CLIC4: variants seen among roughly 807,000 people sequenced by gnomAD.
CLIC4 encodes the protein CLIC family member 4, also known as chloride intracellular channel protein 4.
A neutral mutation model predicts 24.6 loss-of-function variants in CLIC4; 13 were observed. That is an observed-to-expected ratio of 0.53 (90% CI 0.34 to 0.84). The LOEUF is 0.84. CLIC4 is among the 40% of genes least tolerant of loss of function. CLIC4 has a pLI of 0.01. For missense variants in CLIC4, 227 were observed against 301.7 expected, an observed-to-expected ratio of 0.75 and a Z score of 1.83; for synonymous variants, 104 against 111.3, an observed-to-expected ratio of 0.93 and a Z score of 0.41.
intron 1 of CLIC4, among the ~76,000 whole-genome samples, chr1:24,782,830 T>G (rs573971635): frequency 1.3e-5 from 2 of 151,898 alleles, no homozygotes; most frequent in Non-Finnish European, 2.9e-5. Flanking sequence ...AGTAAAAAAA[T>G]TAGCCAGGCA....
At chr1:24,772,932 T>C (rs1240788658) in intron 1 of CLIC4, among the ~76,000 whole-genome samples, 1 of 152,216 alleles carries the variant, frequency 6.6e-6, no homozygotes, top group African/African-American at 2.4e-5. Context: ...ATGATTGCAG[T>C]TTTTCATTGT....
intron 2 of CLIC4, among the ~76,000 whole-genome samples, chr1:24,812,532 CT>C (rs1011240868): frequency 2.4e-4 from 36 of 152,178 alleles, no homozygotes; most frequent in African/African-American, 7.5e-4. Flanking sequence ...TCTCCAAAAT[CT>C]TTTTTCCCTC....
At chr1:24,811,559 A>T (rs1417160767) in intron 2 of CLIC4, among the ~76,000 whole-genome samples, 2 of 151,948 alleles carry the variant, frequency 1.3e-5, no homozygotes, top group Non-Finnish European at 2.9e-5. Context: ...TGCAGCCTCG[A>T]CCGCCTGGGC....
intron 1 of CLIC4, among the ~76,000 whole-genome samples, chr1:24,747,234 G>A (rs1342565486): frequency 1.3e-5 from 2 of 151,270 alleles, no homozygotes; most frequent in African/African-American, 4.9e-5. Context: ...GAAGGAACCT[G>A]AAATACAAGA....
At chr1:24,835,630 A>T (rs964799498) in intron 4 of CLIC4, among the ~76,000 whole-genome samples, 3 of 152,188 alleles carry the variant, frequency 2.0e-5, no homozygotes, top group African/African-American at 7.2e-5. Flanking sequence ...AGCATATAGG[A>T]CAGAAAGGAG....
chr1:24,776,341 T>C (rs146803610), intron 1 of CLIC4, among the ~76,000 whole-genome samples: 113 of 152,292 alleles, frequency 7.4e-4, no homozygotes, highest in Non-Finnish European at 1.5e-3. Flanking sequence ...GGGAAACTTG[T>C]CCAGTGCAGT....
At position 24,801,075 on chromosome 1, in the gene CLIC4, A is replaced by T. The variant is rs1442180676; in HGVS notation, c.182+3224A>T. ...GAATTATCAATAAAAAAATAAATTAAAAAAAAAAAAAAGAATAGTTGTATT... is the reference window on the plus strand; with the variant it reads ...GAATTATCAATAAAAAAATAAATTATAAAAAAAAAAAAGAATAGTTGTATT... On this transcript the variant is annotated intron_variant, in intron 2 of 5. Coordinates refer to ENST00000374379, the MANE Select transcript of CLIC4 (RefSeq NM_013943.3). 0.011 allele frequency among the ~76,000 whole-genome samples: 9 copies of T among 796 alleles called. No individual in the cohort carries two copies. The South Asian group carries it at 0.5, about 44-fold the overall frequency. 0.5% of individuals were successfully genotyped at this position (796 alleles called of 152,430 possible).
rs1639955773 is a variant in CLIC4, at chr1:24,842,705, T to C, written c.*1768T>C. The C allele has an allele frequency of 1.3e-5, 2 of 152,190 alleles. No homozygotes were observed. The highest frequency in any genetic ancestry group is 2.4e-5 in the African/African-American group (1 of 41,434). The allele number at this position is 152,190 out of a possible 1,614,324, so 9.4% of individuals were successfully genotyped here. On this transcript the variant is annotated 3_prime_UTR_variant, in exon 6 of 6. Coordinates refer to ENST00000374379, the MANE Select transcript of CLIC4 (RefSeq NM_013943.3). ...AAGTTTGAGTACCCGCTTGGTTTTTTTTTGGTAATTAAATATTGTATGATT... is the reference window on the plus strand; with the variant it reads ...AAGTTTGAGTACCCGCTTGGTTTTTCTTTGGTAATTAAATATTGTATGATT...
At chr1:24,779,804 A>G (rs1421112553) in intron 1 of CLIC4, among the ~76,000 whole-genome samples, 2 of 152,180 alleles carry the variant, frequency 1.3e-5, no homozygotes, top group African/African-American at 4.8e-5. Context: ...AATTTAATCT[A>G]CACTTTTCTT....
At chr1:24,782,767 G>C (rs1001268410) in intron 1 of CLIC4, among the ~76,000 whole-genome samples, 1 of 152,046 alleles carries the variant, frequency 6.6e-6, no homozygotes, top group Non-Finnish European at 1.5e-5. Flanking sequence ...ATTGCTTGAG[G>C]CCAGGAGTTC....
intron 1 of CLIC4, among the ~76,000 whole-genome samples, chr1:24,797,540 A>AGGAG (rs937132993): frequency 4.2e-5 from 6 of 143,426 alleles, no homozygotes; most frequent in African/African-American, 1.3e-4. Context: ...GGGTGACAGA[A>AGGAG]GGAGACCCTG....
intron 1 of CLIC4, among the ~76,000 whole-genome samples, chr1:24,782,443 C>T (rs1571240877): frequency 6.6e-6 from 1 of 151,984 alleles, no homozygotes; most frequent in East Asian, 1.9e-4. Flanking sequence ...GAAACCATTT[C>T]TTCTCTTATT....
At chr1:24,754,243 C>T (rs1311932636) in intron 1 of CLIC4, among the ~76,000 whole-genome samples, 1 of 152,106 alleles carries the variant, frequency 6.6e-6, no homozygotes, top group African/African-American at 2.4e-5. Context: ...GGAGACTGAG[C>T]ACACGAAAAG....
In CLIC4 at chr1:24,842,491, C is replaced by T. The variant is rs878924267; in HGVS notation, c.*1554C>T. 6.6e-6 allele frequency: 1 copy of T among 152,040 alleles called. No homozygotes were observed. The highest frequency in any genetic ancestry group is 2.1e-4 in the South Asian group (1 of 4,826). The allele number at this position is 152,040 out of a possible 1,614,324, so 9.4% of individuals were successfully genotyped here. ...ATTGCTTTAAAATGGCAGTGTTTCT[C>T]CCACTTTGATATGCTAACATTTAGT... On this transcript the variant is annotated 3_prime_UTR_variant, in exon 6 of 6. Transcript: ENST00000374379.
intron 3 of CLIC4, among the ~76,000 whole-genome samples, chr1:24,820,094 T>C (rs1433994515): frequency 9.0e-6 from 1 of 111,068 alleles, no homozygotes; most frequent in Non-Finnish European, 1.9e-5. Flanking sequence ...TATATATATA[T>C]ATAGACAGTA....
At chr1:24,748,292 A>G (rs888734505) in intron 1 of CLIC4, among the ~76,000 whole-genome samples, 4 of 151,906 alleles carry the variant, frequency 2.6e-5, no homozygotes, top group Non-Finnish European at 2.9e-5. Flanking sequence ...CATCCTTCCT[A>G]CCACTAGTTG....
chr1:24,803,044 A>G (rs1205602482), intron 2 of CLIC4, among the ~76,000 whole-genome samples: 1 of 152,150 alleles, frequency 6.6e-6, no homozygotes, highest in Admixed American at 6.5e-5. Flanking sequence ...ACACACTTGC[A>G]GTCTTGAACA....
intron 2 of CLIC4, among the ~76,000 whole-genome samples, chr1:24,806,889 C>T (rs1639556412): frequency 6.6e-6 from 1 of 152,176 alleles, no homozygotes; most frequent in African/African-American, 2.4e-5. Context: ...TTTACTTAGT[C>T]ATGTAGCTGG....
At chr1:24,795,171 CT>C (rs1639383729) in intron 1 of CLIC4, among the ~76,000 whole-genome samples, 1 of 152,104 alleles carries the variant, frequency 6.6e-6, no homozygotes, top group African/African-American at 2.4e-5. Context: ...CATAATACCC[CT>C]GAACCTAAAA....
Sources: gnomAD v4.1 joint callset for allele counts (sites outside exome capture counted in the v4.1 genomes callset) on GRCh38, gnomAD v4.1.1 for gene constraint, MANE v1.5 for transcripts, NCBI Gene and HGNC (gene_info 2026-07-23, HGNC 2026-07-21) for gene names.